The following FHIT variants were observed in gnomAD, a reference collection of about 807,000 sequenced individuals.
FHIT encodes fragile histidine triad diadenosine triphosphatase, also known as bis(5'-adenosyl)-triphosphatase.
In FHIT, 19 loss-of-function variants were observed where a neutral mutation model predicts 17.9. That is an observed-to-expected ratio of 1.06 (90% CI 0.74 to 1.56). The LOEUF is 1.56. Ranked by LOEUF, FHIT falls within the 40% of genes most tolerant of loss-of-function variation. The pLI is 0.00. For synonymous variants in FHIT, 81 were observed against 69.7 expected (o/e 1.16, Z -0.81); for missense variants, 248 against 189.2 (o/e 1.31, Z -1.82).
At chr3:61,233,291 A>T (rs2040150981) in intron 1 of FHIT, among the ~76,000 whole-genome samples, 1 of 149,622 alleles carries the variant, frequency 6.7e-6, no homozygotes, top group Non-Finnish European at 1.5e-5. Context: ...ATCATAGTTA[A>T]GAAAATTTTT....
intron 7 of FHIT, among the ~76,000 whole-genome samples, chr3:59,925,233 G>A (rs1443550388): frequency 1.3e-5 from 2 of 151,886 alleles, no homozygotes; most frequent in East Asian, 3.9e-4. Flanking sequence ...CCTCCCAAAT[G>A]GCTGGGACTA....
At chr3:61,076,742 T>G (rs961273106) in intron 2 of FHIT, among the ~76,000 whole-genome samples, 1 of 152,136 alleles carries the variant, frequency 6.6e-6, no homozygotes, top group Non-Finnish European at 1.5e-5. Context: ...AAGTGATTTA[T>G]CCAAGACCAC....
At chr3:60,573,963 C>T (rs547395651) in intron 4 of FHIT, among the ~76,000 whole-genome samples, 2 of 152,062 alleles carry the variant, frequency 1.3e-5, no homozygotes, top group Non-Finnish European at 2.9e-5. Flanking sequence ...GCAAGCACCA[C>T]CACACCTGGA....
chr3:60,885,070 A>T (rs374271196), intron 3 of FHIT, among the ~76,000 whole-genome samples: 3 of 152,048 alleles, frequency 2.0e-5, no homozygotes, highest in East Asian at 3.9e-4. Flanking sequence ...GGGTGAAGAG[A>T]GGTTGGTTAA....
chr3:60,953,043 T>C (rs1553777701), intron 3 of FHIT, among the ~76,000 whole-genome samples: 1 of 152,214 alleles, frequency 6.6e-6, no homozygotes, highest in African/African-American at 2.4e-5. Context: ...TAAAAGAGTG[T>C]ACAATTTTGC....
intron 3 of FHIT, among the ~76,000 whole-genome samples, chr3:60,887,285 T>C (rs1705269877): frequency 6.6e-6 from 1 of 152,200 alleles, no homozygotes; most frequent in Admixed American, 6.5e-5. Flanking sequence ...TTTTGTTTTG[T>C]TTTGTTTTTT....
intron 4 of FHIT, among the ~76,000 whole-genome samples, chr3:60,795,422 G>A (rs1700945352): frequency 6.6e-6 from 1 of 151,782 alleles, no homozygotes; most frequent in African/African-American, 2.4e-5. Context: ...ATTCCTTGAA[G>A]ATTTTCAGTT....
intron 5 of FHIT, among the ~76,000 whole-genome samples, chr3:60,158,322 C>T (rs1171101866): frequency 1.9e-4 from 29 of 151,944 alleles, no homozygotes; most frequent in African/African-American, 6.0e-4. Context: ...TAATTTCTCT[C>T]TCTTTTTTTT....
chr3:59,942,936 A>G (rs1449913811), intron 7 of FHIT, among the ~76,000 whole-genome samples: 1 of 152,098 alleles, frequency 6.6e-6, no homozygotes, highest in African/African-American at 2.4e-5. Context: ...AGCATGACCC[A>G]CTGTGCCTGG....
chr3:60,517,355 C>G (rs937911636), intron 5 of FHIT, among the ~76,000 whole-genome samples: 1 of 152,166 alleles, frequency 6.6e-6, no homozygotes, highest in Non-Finnish European at 1.5e-5. Context: ...TCCTACTATA[C>G]CTTTCACATA....
At chr3:59,795,161 G>A (rs761552943) in intron 8 of FHIT, among the ~76,000 whole-genome samples, 8 of 152,106 alleles carry the variant, frequency 5.3e-5, no homozygotes, top group Non-Finnish European at 7.3e-5. Flanking sequence ...TGAGGCATGC[G>A]GATTACTTGA....
At chr3:59,810,290 C>G (rs551256436) in intron 8 of FHIT, among the ~76,000 whole-genome samples, 2 of 152,152 alleles carry the variant, frequency 1.3e-5, no homozygotes, top group African/African-American at 2.4e-5. Context: ...TGTAGAGGCT[C>G]AGAGAGAGTG....
intron 5 of FHIT, among the ~76,000 whole-genome samples, chr3:60,283,954 C>G (rs1174528029): frequency 6.6e-6 from 1 of 151,996 alleles, no homozygotes; most frequent in Non-Finnish European, 1.5e-5. Context: ...GTTCATTAAA[C>G]ATTAATGGCA....
intron 5 of FHIT, among the ~76,000 whole-genome samples, chr3:60,373,473 G>A (rs189005224): frequency 6.6e-6 from 1 of 152,278 alleles, no homozygotes; most frequent in African/African-American, 2.4e-5. Context: ...AATAAGCAGA[G>A]CCACCATCAT....
intron 4 of FHIT, among the ~76,000 whole-genome samples, chr3:60,640,470 T>A (rs949497620): frequency 1.3e-5 from 2 of 152,170 alleles, no homozygotes; most frequent in African/African-American, 4.8e-5. Flanking sequence ...TGGGTACTAG[T>A]GCTAGTGAGT....
At chr3:61,241,556 TA>T (rs1189080557) in intron 1 of FHIT, among the ~76,000 whole-genome samples, 1 of 152,226 alleles carries the variant, frequency 6.6e-6, no homozygotes, top group African/African-American at 2.4e-5. Context: ...CTGGTCTAAC[TA>T]AAATATTCAT....
In FHIT at chr3:60,623,146, A is replaced by G. The variant is rs189327724; in HGVS notation, c.-17-86167T>C. On this transcript the variant is annotated intron_variant, in intron 4 of 9. Coordinates refer to ENST00000492590, the MANE Select transcript of FHIT (RefSeq NM_002012.4). ...ACACATAGTAGATACGTAACAAGTA[A>G]TCACTAGTCTGTTACATGAGCAAGA... Among the ~76,000 whole-genome samples, 39 of 152,332 alleles carry G rather than the reference A, an allele frequency of 2.6e-4. No individual in the cohort carries two copies. The East Asian group carries it at 7.5e-3, about 29-fold the overall frequency.
intron 4 of FHIT, among the ~76,000 whole-genome samples, chr3:60,612,513 A>C (rs1267011240): frequency 6.6e-6 from 1 of 152,180 alleles, no homozygotes; most frequent in Non-Finnish European, 1.5e-5. Context: ...GCAGAGTATA[A>C]ATATTTGGTT....
chr3:60,503,504 T>A (rs186959206), intron 5 of FHIT, among the ~76,000 whole-genome samples: 72 of 152,302 alleles, frequency 4.7e-4, no homozygotes, highest in African/African-American at 1.6e-3. Flanking sequence ...ATGCATGTAA[T>A]ATACAGTAAT....
Sources: allele counts gnomAD v4.1 joint callset (sites outside exome capture counted in the v4.1 genomes callset), GRCh38; gene constraint gnomAD v4.1.1; transcripts MANE v1.5; gene names NCBI Gene and HGNC (gene_info 2026-07-23, HGNC 2026-07-21).